Variants in MPPED1 observed in about 807,000 individuals in gnomAD.
The protein encoded by MPPED1 is metallophosphoesterase domain-containing protein 1.
A neutral mutation model predicts 36.2 loss-of-function variants in MPPED1; 16 were observed. The ratio of observed to expected loss-of-function variants is 0.44; its 90% CI spans 0.30 to 0.67. MPPED1 has a LOEUF of 0.67. Among genes scored for constraint, MPPED1 ranks in the 30% least tolerant of loss-of-function variants. MPPED1 has a pLI of 0.10. For synonymous variants in MPPED1, 199 were observed against 191.3 expected, an observed-to-expected ratio of 1.04 and a Z score of -0.33; for missense variants, 307 against 453.4, an observed-to-expected ratio of 0.68 and a Z score of 2.93.
chr22:43,446,574 C>T (rs545609025), intron 3 of MPPED1, among the ~76,000 whole-genome samples: 1 of 152,012 alleles, frequency 6.6e-6, no homozygotes, highest in African/African-American at 2.4e-5. Context: ...TGGAACCCCA[C>T]GGAGAGTCTG....
At chr22:43,468,799 G>C (rs1412696659) in intron 3 of MPPED1, among the ~76,000 whole-genome samples, 1 of 152,188 alleles carries the variant, frequency 6.6e-6, no homozygotes, top group Non-Finnish European at 1.5e-5. Flanking sequence ...AGTGGGTCCA[G>C]CTTCAGGGAA....
chr22:43,471,847 A>C (rs1931387808), intron 3 of MPPED1, among the ~76,000 whole-genome samples: 1 of 152,214 alleles, frequency 6.6e-6, no homozygotes, highest in African/African-American at 2.4e-5. Context: ...CAGCAAGCAG[A>C]GTTCCCAGCG....
chr22:43,481,459 CTCTT>C (rs1204494804), intron 4 of MPPED1, among the ~76,000 whole-genome samples: 1 of 152,204 alleles, frequency 6.6e-6, no homozygotes, highest in Non-Finnish European at 1.5e-5. Flanking sequence ...ACCCAGATCT[CTCTT>C]TCTCATAGAC....
At chr22:43,442,986 G>C (rs1032606520) in intron 3 of MPPED1, among the ~76,000 whole-genome samples, 2 of 152,198 alleles carry the variant, frequency 1.3e-5, no homozygotes, top group Non-Finnish European at 2.9e-5. Flanking sequence ...CACTGCTTTG[G>C]TGCTGGAGAT....
In MPPED1 at chr22:43,502,734, A is replaced by T; in HGVS notation, c.839A>T (p.His280Leu). The T allele has an allele frequency of 6.2e-7, 1 of 1,613,286 alleles. No homozygotes were observed. The highest frequency in any genetic ancestry group is 8.5e-7 in the Non-Finnish European group (1 of 1,179,852). Residue 280 changes from histidine (H) to leucine (L), a missense_variant, in exon 6 of 7, where the codon CAT (histidine) becomes CTT (leucine). Physicochemically the swap from His to Leu is moderately conservative, Grantham distance 99. Around this residue, in one of 3 missense-constraint regions of MPPED1, gnomAD observed 132 missense variants for 212.3 expected, o/e 0.62. Transcript: ENST00000443721. This position sits in a 1 kb window ranked among gnomAD's most constrained non-coding sequence, Gnocchi z 5.5. ...CAGAGGCGCGTCCAGCCGCGGTTAC[A>T]TGTCTTTGGCCACATCCACGAAGGT... is the stretch of plus-strand genomic sequence containing the variant. ...TVQRRVQPRL[H>L]VFGHIHEGYG...
At chr22:43,442,796 C>T (rs951364435) in intron 3 of MPPED1, among the ~76,000 whole-genome samples, 2 of 152,184 alleles carry the variant, frequency 1.3e-5, no homozygotes, top group African/African-American at 4.8e-5. Flanking sequence ...TGTGTGCACC[C>T]TGTGTGAACT....
chr22:43,475,039 G>T (rs1931500814), intron 4 of MPPED1, 78 bp downstream of exon 4: 3 of 1,345,202 alleles, frequency 2.2e-6, no homozygotes, highest in Non-Finnish European at 3.2e-6. Flanking sequence ...TAGGGGATGG[G>T]AGTAGCAGCA....
chr22:43,425,091 C>A lies in MPPED1; in HGVS notation c.106C>A (p.Arg36=). 3 of 1,613,780 alleles carry A rather than the reference C, an allele frequency of 1.9e-6. No homozygotes were observed. The highest frequency in any genetic ancestry group is 2.5e-6 in the Non-Finnish European group (3 of 1,179,892). ...AFSQSHVMAA[R]RHQHSRLIIE... is the part of the protein sequence containing the mutation. Reference sequence around the variant, plus strand: ...CTCCCAGTCCCACGTGATGGCCGCTCGGCGGCACCAGCACAGCCGGCTCAT... The same window carrying A: ...CTCCCAGTCCCACGTGATGGCCGCTAGGCGGCACCAGCACAGCCGGCTCAT... Residue 36 remains arginine, a synonymous_variant, in exon 2 of 7, where the codon CGG becomes AGG. Coordinates refer to ENST00000443721, the MANE Select transcript of MPPED1 (RefSeq NM_001044370.2).
chr22:43,469,318 T>C (rs2146878433), intron 3 of MPPED1, among the ~76,000 whole-genome samples: 1 of 152,268 alleles, frequency 6.6e-6, no homozygotes, highest in South Asian at 2.1e-4. Context: ...ATTCATTTAA[T>C]TTTTCCCCCA....
intron 3 of MPPED1, among the ~76,000 whole-genome samples, chr22:43,463,291 T>G (rs1014419552): frequency 6.6e-6 from 1 of 151,916 alleles, no homozygotes; most frequent in African/African-American, 2.4e-5. Context: ...TTTCTCTTCC[T>G]GCAACTTGTA....
At chr22:43,501,056 C>G (rs925263868) in intron 5 of MPPED1, among the ~76,000 whole-genome samples, 1 of 152,140 alleles carries the variant, frequency 6.6e-6, no homozygotes. Flanking sequence ...GCCAGTGCGC[C>G]ACGGCCCCTC....
intron 3 of MPPED1, among the ~76,000 whole-genome samples, chr22:43,472,388 T>C (rs904062905): frequency 6.6e-6 from 1 of 152,190 alleles, no homozygotes; most frequent in Non-Finnish European, 1.5e-5. Context: ...TTCTATAATA[T>C]CAGAACAGTC....
At chr22:43,452,286 T>C (rs1469150628) in intron 3 of MPPED1, among the ~76,000 whole-genome samples, 3 of 152,138 alleles carry the variant, frequency 2.0e-5, no homozygotes, top group Non-Finnish European at 4.4e-5. Flanking sequence ...AGTGCTGGGA[T>C]TACAGGTGTG....
chr22:43,502,709 C>T lies in MPPED1; in HGVS notation c.814C>T (p.Gln272Ter). 1 of 1,613,306 alleles carries T rather than the reference C, an allele frequency of 6.2e-7. No homozygotes were observed. The part of the protein sequence containing the change: ...VGCVELLNTV[Q>*]RRVQPRLHVF... ...CTGTGTGGAGCTGCTCAACACGGTG[C>T]AGAGGCGCGTCCAGCCGCGGTTACA... The change falls in exon 6 of 7, where the codon CAG becomes TAG. Residue 272 changes from glutamine (Q) to a stop codon, truncating the protein, a stop_gained. Transcript: ENST00000443721. LOFTEE classifies it high-confidence loss of function. The surrounding 1 kb of genome is among the most constrained non-coding windows in gnomAD (Gnocchi z 5.5).
In MPPED1 at chr22:43,500,243, GGCA is replaced by G. The variant is rs1416650382; in HGVS notation, c.748+1895_748+1897del. ...TGATGGTGGAGGTGGTGATGGAGGT[GGCA>G]GTGATGATGGTGGTGATGGTGATGG... On this transcript the variant is annotated intron_variant, in intron 5 of 6. Coordinates refer to ENST00000443721, the MANE Select transcript of MPPED1 (RefSeq NM_001044370.2). Among the ~76,000 whole-genome samples the G allele has an allele frequency of 6.5e-5, 9 of 139,410 alleles. 2 individuals are homozygous for G. Among genetic ancestry groups the G allele is most frequent in the African/African-American group, 2.1e-4 (7 of 32,622 alleles). The allele number at this position is 139,410 out of a possible 152,430, so 91.5% of individuals were successfully genotyped here. A position where few individuals can be genotyped will look rare whatever the true frequency, so the allele number is the denominator to read the frequency against.
chr22:43,499,752 GTGA>G (rs1229671657), intron 5 of MPPED1, among the ~76,000 whole-genome samples: 10 of 68,952 alleles, frequency 1.5e-4, no homozygotes, highest in Non-Finnish European at 1.8e-4. Flanking sequence ...GGTGGTGATG[GTGA>G]TGGAGGTGGC....
At chr22:43,448,548 C>T (rs955589829) in intron 3 of MPPED1, among the ~76,000 whole-genome samples, 2 of 152,012 alleles carry the variant, frequency 1.3e-5, no homozygotes, top group Non-Finnish European at 2.9e-5. Flanking sequence ...GTCAGGATTC[C>T]AACCCAAGGT....
chr22:43,449,055 T>C (rs1018917002), intron 3 of MPPED1, among the ~76,000 whole-genome samples: 2 of 152,122 alleles, frequency 1.3e-5, no homozygotes, highest in African/African-American at 4.8e-5. Flanking sequence ...TAAAGCTTTA[T>C]AGGCTTAGGA....
intron 4 of MPPED1, among the ~76,000 whole-genome samples, chr22:43,478,665 G>T (rs1475712774): frequency 1.3e-5 from 2 of 152,150 alleles, no homozygotes; most frequent in African/African-American, 4.8e-5. Context: ...GCTTCCGGGG[G>T]CCTGGGTGGA....
Sources: allele counts gnomAD v4.1 joint callset (sites outside exome capture counted in the v4.1 genomes callset), GRCh38; gene constraint gnomAD v4.1.1; regional missense constraint gnomAD v4.1.1; non-coding constraint Gnocchi (gnomAD v3.1); transcripts MANE v1.5; gene names NCBI Gene and HGNC (gene_info 2026-07-23, HGNC 2026-07-21).